The following PLXNA2 variants were observed in gnomAD, a reference collection of about 807,000 sequenced individuals.
The protein encoded by PLXNA2 is plexin-A2.
In PLXNA2, 91 loss-of-function variants were observed where a neutral mutation model predicts 193.5. The ratio of observed to expected loss-of-function variants is 0.47; its 90% CI spans 0.40 to 0.56. The LOEUF is 0.56. Among genes scored for constraint, PLXNA2 ranks in the 20% least tolerant of loss-of-function variants. The pLI, the probability that PLXNA2 is intolerant of heterozygous loss-of-function variation, is 0.00. For synonymous variants in PLXNA2, 997 were observed against 1,027.3 expected (o/e 0.97, Z 0.56); for missense variants, 1,995 against 2,503.2 (o/e 0.80, Z 4.33).
chr1:208,186,293 A>T (rs1357811419), intron 3 of PLXNA2, among the ~76,000 whole-genome samples: 1 of 152,146 alleles, frequency 6.6e-6, no homozygotes, highest in African/African-American at 2.4e-5. Context: ...ATCCTGAAAC[A>T]GGTTTCCTTT....
chr1:208,071,676 C>T (rs1411937840), intron 12 of PLXNA2, among the ~76,000 whole-genome samples: 1 of 152,220 alleles, frequency 6.6e-6, no homozygotes, highest in African/African-American at 2.4e-5. Context: ...CATTCAAAAC[C>T]TAACTGTTAT....
At chr1:208,161,806 CCA>C (rs1558222780) in intron 3 of PLXNA2, among the ~76,000 whole-genome samples, 1 of 152,348 alleles carries the variant, frequency 6.6e-6, no homozygotes, top group East Asian at 1.9e-4. Context: ...CCCTTTTTCT[CCA>C]CAGTCATGGT....
intron 3 of PLXNA2, among the ~76,000 whole-genome samples, chr1:208,206,799 C>T (rs980977258): frequency 2.3e-5 from 3 of 128,820 alleles, no homozygotes; most frequent in Admixed American, 1.8e-4. Flanking sequence ...GAGACAGACT[C>T]TTGCCCTGTC....
chr1:208,172,774 G>GT (rs950039096), intron 3 of PLXNA2, among the ~76,000 whole-genome samples: 16 of 152,144 alleles, frequency 1.1e-4, no homozygotes, highest in East Asian at 1.9e-4. Flanking sequence ...GCACAAAGCT[G>GT]TTTTTTTGTG....
intron 20 of PLXNA2, 108 bp from the exon 21 acceptor site, chr1:208,043,311 T>C: frequency 9.5e-7 from 1 of 1,058,014 alleles, no homozygotes. Flanking sequence ...TTGTAGAGAC[T>C]CTGAGGATTA....
chr1:208,039,907 G>A (rs1470429638), intron 23 of PLXNA2, 85 bp downstream of exon 23: 1 of 1,578,580 alleles, frequency 6.3e-7, no homozygotes, highest in Non-Finnish European at 8.7e-7. Flanking sequence ...GAGGGAGGGG[G>A]TCCCCATGCA....
chr1:208,208,530 G>A (rs558214798), intron 3 of PLXNA2, among the ~76,000 whole-genome samples: 10 of 152,240 alleles, frequency 6.6e-5, no homozygotes, highest in Non-Finnish European at 1.5e-4. Flanking sequence ...TGAACACTCG[G>A]TGACAGGATT....
chr1:208,100,277 T>C (rs1667053239), intron 5 of PLXNA2, among the ~76,000 whole-genome samples: 1 of 151,928 alleles, frequency 6.6e-6, no homozygotes, highest in Non-Finnish European at 1.5e-5. Flanking sequence ...GCTGAGTTGG[T>C]TAGATTACTT....
chr1:208,031,615 C>A lies in PLXNA2; in HGVS notation c.5200G>T (p.Val1734Leu). 1 of 1,614,032 alleles carries A rather than the reference C, an allele frequency of 6.2e-7. No individual in the cohort carries two copies. The highest frequency in any genetic ancestry group is 8.5e-7 in the Non-Finnish European group (1 of 1,180,020). ...CAGTTGCTTTTCCAGGTGTGCCGCACATCTGTGTCATGGATGCTGTGCCTG... is the reference window on the plus strand; with the variant it reads ...CAGTTGCTTTTCCAGGTGTGCCGCAAATCTGTGTCATGGATGCTGTGCCTG... ...ADRHSIHDTD[V>L]RHTWKSNCLP... The change falls in exon 29 of 32, where the codon GTG (valine) becomes TTG (leucine). Residue 1734 changes from valine (V) to leucine (L), a missense_variant. Physicochemically the swap from Val to Leu is conservative, Grantham distance 32. Around this residue, in one of 3 missense-constraint regions of PLXNA2, gnomAD observed 1,291 missense variants for 1,673.6 expected, o/e 0.77. Coordinates refer to ENST00000367033, the MANE Select transcript of PLXNA2 (RefSeq NM_025179.4).
rs770711173 is a variant in PLXNA2 at position 208,038,495 on chromosome 1, AG to A, written c.4661-22del. ...CCACTCTGGGTGGAGGGGGTGGTGC[AG>A]GGAGCGGCGTGAGAGGGATGAGGGC... On this transcript the variant is annotated intron_variant, in intron 25 of 31. Coordinates refer to ENST00000367033, the MANE Select transcript of PLXNA2 (RefSeq NM_025179.4). This position sits in a 1 kb window ranked among gnomAD's most constrained non-coding sequence, Gnocchi z 4.1. The A allele has an allele frequency of 3.1e-5, 50 of 1,590,406 alleles. No individual in the cohort carries two copies. The highest frequency in any genetic ancestry group is 4.0e-5 in the Non-Finnish European group (46 of 1,158,638).
chr1:208,150,974 T>C lies in PLXNA2; in HGVS notation c.1372-8511A>G, dbSNP rs536690571. On this transcript the variant is annotated intron_variant, in intron 3 of 31. Transcript: ENST00000367033. ...CAGGAACACGGGGCTCAGGCCTTAG[T>C]CCAACCCCACCTTTAAACACTGCTC... 7.9e-5 allele frequency among the ~76,000 whole-genome samples: 12 copies of C among 152,264 alleles called. No individual in the cohort carries two copies. The East Asian group carries it at 2.3e-3, about 29-fold the overall frequency.
chr1:208,146,519 G>T (rs1402112546), intron 3 of PLXNA2, among the ~76,000 whole-genome samples: 2 of 152,172 alleles, frequency 1.3e-5, no homozygotes, highest in Admixed American at 1.3e-4. Flanking sequence ...TAGGAAGAAG[G>T]CTGCTAATGT....
intron 1 of PLXNA2, among the ~76,000 whole-genome samples, chr1:208,229,941 A>C (rs1671635246): frequency 6.6e-6 from 1 of 152,188 alleles, no homozygotes; most frequent in South Asian, 2.1e-4. Context: ...GCCTTTGGAG[A>C]CGGACCTGGG....
intron 12 of PLXNA2, among the ~76,000 whole-genome samples, chr1:208,072,784 C>T (rs1162463221): frequency 6.6e-6 from 1 of 152,198 alleles, no homozygotes; most frequent in Non-Finnish European, 1.5e-5. Flanking sequence ...GACCTCATTA[C>T]ATTTAGGAAG....
intron 12 of PLXNA2, 75 bp from the exon 13 acceptor site, chr1:208,060,912 C>T: frequency 6.9e-7 from 1 of 1,441,326 alleles, no homozygotes; most frequent in Non-Finnish European, 9.6e-7. Context: ...CCCCCTCCCC[C>T]AGGGAGGTTT....
chr1:208,241,280 T>A (rs985917019), intron 1 of PLXNA2, among the ~76,000 whole-genome samples: 3 of 152,238 alleles, frequency 2.0e-5, no homozygotes, highest in Non-Finnish European at 2.9e-5. Context: ...AAGGAACTTT[T>A]ACATTCACCG....
intron 4 of PLXNA2, among the ~76,000 whole-genome samples, chr1:208,129,372 A>C (rs1668079120): frequency 6.6e-6 from 1 of 152,040 alleles, no homozygotes; most frequent in Admixed American, 6.6e-5. Context: ...TGGGTGCATG[A>C]TGGCTTCCTA....
At chr1:208,032,518 G>C (rs1450164073) in intron 28 of PLXNA2, among the ~76,000 whole-genome samples, 3 of 152,238 alleles carry the variant, frequency 2.0e-5, no homozygotes, top group Admixed American at 1.3e-4. Flanking sequence ...GCAAGTGTGA[G>C]AGCTGTAAGT....
chr1:208,027,270 G>A lies in PLXNA2; in HGVS notation c.5658C>T (p.Leu1886=), dbSNP rs756993940. 6 of 1,613,732 alleles carry A rather than the reference G, an allele frequency of 3.7e-6. No individual in the cohort carries two copies. The highest frequency in any genetic ancestry group is 2.2e-5 in the South Asian group (2 of 91,072). The change falls in exon 32 of 32, where the codon CTC becomes CTT. Residue 1886 remains leucine (L), a synonymous_variant. Transcript: ENST00000367033. ...RQRLAYKVEQ[L]INAMSIES is the part of the protein sequence containing the mutation. ...AGCTCTCAATGGACATGGCATTAAT[G>A]AGCTGCTCCACCTTATAAGCCAGCC...
Sources: gnomAD v4.1 joint callset for allele counts (sites outside exome capture counted in the v4.1 genomes callset) on GRCh38, gnomAD v4.1.1 for gene constraint, gnomAD v4.1.1 regional missense constraint, Gnocchi (gnomAD v3.1) non-coding constraint, MANE v1.5 for transcripts, NCBI Gene and HGNC (gene_info 2026-07-23, HGNC 2026-07-21) for gene names.